Variants in KIF26B observed in about 807,000 individuals in gnomAD.
KIF26B encodes the protein kinesin-like protein KIF26B.
A neutral mutation model predicts 151.2 loss-of-function variants in KIF26B; 63 were observed. That is an observed-to-expected ratio of 0.42 (90% confidence interval 0.34 to 0.51). The LOEUF is 0.51. Ranked by LOEUF, KIF26B falls within the 20% of genes least tolerant of loss-of-function variation. The pLI is 0.07. For missense variants in KIF26B, 2,813 were observed against 2,913.6 expected, an observed-to-expected ratio of 0.97 and a Z score of 0.79; for synonymous variants, 1,357 against 1,262.1, an observed-to-expected ratio of 1.08 and a Z score of -1.59.
chr1:245,308,864 A>T (rs1223721549), intron 2 of KIF26B, among the ~76,000 whole-genome samples: 1 of 152,240 alleles, frequency 6.6e-6, no homozygotes, highest in African/African-American at 2.4e-5. Context: ...CCGCATGTGG[A>T]ATACATACCA....
intron 5 of KIF26B, among the ~76,000 whole-genome samples, chr1:245,541,788 C>G (rs748725044): frequency 6.6e-6 from 1 of 151,886 alleles, no homozygotes; most frequent in Non-Finnish European, 1.5e-5. Flanking sequence ...TCCGGAGCAA[C>G]TACTAAACTG....
intron 10 of KIF26B, among the ~76,000 whole-genome samples, chr1:245,670,415 GT>G (rs1349420959): frequency 6.6e-6 from 1 of 151,528 alleles, no homozygotes; most frequent in Non-Finnish European, 1.5e-5. Flanking sequence ...TTAGAGTGTA[GT>G]ATGTGATGAT....
At chr1:245,596,078 G>A (rs971209095) in intron 5 of KIF26B, among the ~76,000 whole-genome samples, 5 of 151,650 alleles carry the variant, frequency 3.3e-5, no homozygotes, top group Non-Finnish European at 5.9e-5. Flanking sequence ...TCTGGCTAGC[G>A]GTCTATTTTG....
intron 2 of KIF26B, among the ~76,000 whole-genome samples, chr1:245,216,803 G>C (rs1025136473): frequency 1.3e-5 from 2 of 152,230 alleles, no homozygotes; most frequent in African/African-American, 4.8e-5. Context: ...TGTTGAAAGA[G>C]TTAGCTAGGT....
At chr1:245,633,305 A>G (rs1254014565) in intron 9 of KIF26B, among the ~76,000 whole-genome samples, 3 of 148,672 alleles carry the variant, frequency 2.0e-5, no homozygotes, top group Non-Finnish European at 4.5e-5. Flanking sequence ...AAATAAATCC[A>G]TTCATCTTGT....
chr1:245,635,644 A>AT (rs199776526), intron 9 of KIF26B, among the ~76,000 whole-genome samples: 216 of 147,362 alleles, frequency 1.5e-3, no homozygotes, highest in Middle Eastern at 0.014. Flanking sequence ...CCTTTCTGCT[A>AT]TTTTTTTTTC....
intron 5 of KIF26B, among the ~76,000 whole-genome samples, chr1:245,558,988 T>TA (rs1662102961): frequency 1.3e-5 from 2 of 152,244 alleles, no homozygotes; most frequent in African/African-American, 4.8e-5. Flanking sequence ...CTCATTGTTA[T>TA]ATGATGCACA....
intron 3 of KIF26B, among the ~76,000 whole-genome samples, chr1:245,409,805 A>G (rs945475599): frequency 2.0e-5 from 3 of 152,190 alleles, no homozygotes; most frequent in Non-Finnish European, 4.4e-5. Flanking sequence ...TTGTGTCCAC[A>G]TGAACTGCGA....
intron 2 of KIF26B, chr1:245,206,807 ATATC>A (rs1479609935): frequency 1.3e-5 from 2 of 152,242 alleles, no homozygotes; most frequent in Non-Finnish European, 2.9e-5. Context: ...AAAAAATTAA[ATATC>A]TTAAGTTAGT....
chr1:245,327,041 G>A (rs1323963574), intron 2 of KIF26B, among the ~76,000 whole-genome samples: 1 of 152,190 alleles, frequency 6.6e-6, no homozygotes, highest in Non-Finnish European at 1.5e-5. Context: ...TCCAGGTTCA[G>A]CAATGTTGGA....
chr1:245,601,258 G>A lies in KIF26B; in HGVS notation c.1351-1319G>A, dbSNP rs964463892. Among the ~76,000 whole-genome samples, 43 of 152,204 alleles carry A rather than the reference G, an allele frequency of 2.8e-4. No individual in the cohort carries two copies. The highest frequency in any genetic ancestry group is 9.4e-4 in the African/African-American group (39 of 41,458). On this transcript the variant is annotated intron_variant, in intron 5 of 14. Transcript: ENST00000407071. The surrounding 1 kb of genome is among the most constrained non-coding windows in gnomAD (Gnocchi z 4.4). ...AAGGCAAGCACAGCGGGGACACGGT[G>A]CAGGACACCTGCGGACCCAGTGCCC...
rs537301032 is a variant in KIF26B at position 245,300,886 on chromosome 1, G to A, written c.466-65948G>A. On this transcript the variant is annotated intron_variant, in intron 2 of 14. Coordinates refer to ENST00000407071, the MANE Select transcript of KIF26B (RefSeq NM_018012.4). ...CACTCTGTCACCCAGGCTGGAGTGC[G>A]GTGATGCTATCTCAGCTCACTGCAA... 5.3e-5 allele frequency among the ~76,000 whole-genome samples: 8 copies of A among 150,916 alleles called. No homozygotes were observed. The East Asian group carries it at 1.2e-3, about 22-fold the overall frequency.
intron 2 of KIF26B, among the ~76,000 whole-genome samples, chr1:245,263,719 A>G (rs1049413354): frequency 1.3e-5 from 2 of 152,208 alleles, no homozygotes; most frequent in African/African-American, 4.8e-5. Context: ...AAAGGTAAGC[A>G]CTGTGGAGGA....
chr1:245,413,517 G>C (rs1674337060), intron 3 of KIF26B, among the ~76,000 whole-genome samples: 1 of 152,056 alleles, frequency 6.6e-6, no homozygotes, highest in African/African-American at 2.4e-5. Flanking sequence ...AGAAAAATTA[G>C]CTGGGCATGG....
At chr1:245,525,289 A>C (rs889202207) in intron 4 of KIF26B, among the ~76,000 whole-genome samples, 8 of 152,232 alleles carry the variant, frequency 5.3e-5, no homozygotes, top group Non-Finnish European at 1.5e-5. Context: ...GGAAGTGAAG[A>C]ATCTTATATA....
At chr1:245,197,495 ACAT>A (rs1329759756) in intron 2 of KIF26B, among the ~76,000 whole-genome samples, 2 of 152,092 alleles carry the variant, frequency 1.3e-5, no homozygotes, top group Non-Finnish European at 2.9e-5. Flanking sequence ...TTTTTTACAC[ACAT>A]CACACACACA....
In KIF26B at chr1:245,601,204, A is replaced by G. The variant is rs1002596914; in HGVS notation, c.1351-1373A>G. 1.3e-5 allele frequency among the ~76,000 whole-genome samples: 2 copies of G among 150,808 alleles called. No individual in the cohort carries two copies. The highest frequency in any genetic ancestry group is 2.9e-5 in the Non-Finnish European group (2 of 68,002). ...CTTCTACTGGGACACTGGCTTCCGG[A>G]TCTCCACGGAGAACTGTTCTTAAGT... On this transcript the variant is annotated intron_variant, in intron 5 of 14. Coordinates refer to ENST00000407071, the MANE Select transcript of KIF26B (RefSeq NM_018012.4). This position sits in a 1 kb window ranked among gnomAD's most constrained non-coding sequence, Gnocchi z 4.4.
chr1:245,531,214 GTTT>G (rs751253677), intron 4 of KIF26B, among the ~76,000 whole-genome samples: 13 of 152,124 alleles, frequency 8.5e-5, no homozygotes, highest in Non-Finnish European at 1.9e-4. Flanking sequence ...TATGTAAATG[GTTT>G]TTTATCTTCA....
Position 245,688,208 on chromosome 1 carries a change from G to A in KIF26B, c.5225G>A (p.Ser1742Asn), listed in dbSNP as rs539115350. 148 of 1,590,020 alleles carry A rather than the reference G, an allele frequency of 9.3e-5. No homozygotes were observed. In the Middle Eastern group the frequency reaches 1.2e-3, roughly 12 times the overall value. Residue 1742 changes from serine (S) to asparagine (N), a missense_variant, in exon 12 of 15, where the codon AGC becomes AAC. Physicochemically the swap from Ser to Asn is conservative, Grantham distance 46 (BLOSUM62 1). Coordinates refer to ENST00000407071, the MANE Select transcript of KIF26B (RefSeq NM_018012.4). ...ISAVSRLLLA[S>N]PRARGPSAST... ...GCCGTGAGCAGACTCCTCCTGGCCA[G>A]CCCCAGAGCGCGCGGCCCGTCCGCC...
Sources: allele counts gnomAD v4.1 joint callset (sites outside exome capture counted in the v4.1 genomes callset), GRCh38; gene constraint gnomAD v4.1.1; non-coding constraint Gnocchi (gnomAD v3.1); transcripts MANE v1.5; gene names NCBI Gene and HGNC (gene_info 2026-07-23, HGNC 2026-07-21).